Variants in ZFHX3 observed in about 807,000 individuals in gnomAD.
ZFHX3 encodes the protein zinc finger homeobox 3, also known as zinc finger homeobox protein 3.
ZFHX3 carries 42 observed loss-of-function variants against 279.1 expected under a neutral mutation model. That is an observed-to-expected ratio of 0.15 (90% confidence interval 0.12 to 0.19). The LOEUF (loss-of-function observed/expected upper bound fraction) is 0.19, where lower values mean the gene tolerates loss of function less well. Ranked by LOEUF, ZFHX3 falls within the 10% of genes least tolerant of loss-of-function variation. ZFHX3 has a pLI of 1.00. For synonymous variants in ZFHX3, 2,293 were observed against 1,957.8 expected, an observed-to-expected ratio of 1.17 and a Z score of -4.52; for missense variants, 4,981 against 4,754.0, an observed-to-expected ratio of 1.05 and a Z score of -1.40.
At chr16:73,120,779 C>T (rs1041003575) in intron 7 of ZFHX3, among the ~76,000 whole-genome samples, 44 of 151,478 alleles carry the variant, frequency 2.9e-4, no homozygotes, top group Admixed American at 1.3e-3. Flanking sequence ...CTCAACCTCC[C>T]GAGTAGCTGG....
intron 5 of ZFHX3, among the ~76,000 whole-genome samples, chr16:73,155,189 A>AAC (rs1480830538): frequency 1.3e-5 from 2 of 151,744 alleles, no homozygotes; most frequent in Non-Finnish European, 2.9e-5. Context: ...ACAAAAAAAA[A>AAC]AAAAACAAAA....
chr16:73,010,793 C>T (rs1015519377), intron 1 of ZFHX3, among the ~76,000 whole-genome samples: 6 of 152,100 alleles, frequency 3.9e-5, no homozygotes, highest in South Asian at 2.1e-4. Flanking sequence ...CAACATTGAA[C>T]ATTTTATTTT....
At chr16:73,292,340 G>T (rs1185046208) in intron 4 of ZFHX3, among the ~76,000 whole-genome samples, 2 of 152,102 alleles carry the variant, frequency 1.3e-5, no homozygotes, top group Non-Finnish European at 2.9e-5. Context: ...TGAAGTAAAG[G>T]CATTCAGAGC....
rs189045114 is a variant in ZFHX3, at chr16:73,626,953, A to C, written c.-1547+53227T>G. Among the ~76,000 whole-genome samples, 11 of 152,330 alleles carry C rather than the reference A, an allele frequency of 7.2e-5. No individual in the cohort carries two copies. In the East Asian group the frequency reaches 2.1e-3, roughly 29 times the overall value. ...TAGCATCTGGGATAAAGAGGGACTTATACTTCTACTGTAGCCATAAATACT... is the reference window on the plus strand; with the variant it reads ...TAGCATCTGGGATAAAGAGGGACTTCTACTTCTACTGTAGCCATAAATACT... On this transcript the variant is annotated intron_variant, in intron 2 of 17. Transcript: ENST00000641206.
chr16:73,517,475 C>T (rs1304567380), intron 2 of ZFHX3, among the ~76,000 whole-genome samples: 1 of 152,208 alleles, frequency 6.6e-6, no homozygotes, highest in Non-Finnish European at 1.5e-5. Flanking sequence ...ATCTCTAACA[C>T]TACAGTTTTC....
At chr16:73,544,738 T>C (rs577100621) in intron 2 of ZFHX3, among the ~76,000 whole-genome samples, 3 of 152,136 alleles carry the variant, frequency 2.0e-5, no homozygotes, top group East Asian at 3.9e-4. Flanking sequence ...TGCAGAAGAA[T>C]GCCAGGTAAA....
chr16:73,167,691 T>C (rs565509755), intron 5 of ZFHX3, among the ~76,000 whole-genome samples: 1 of 152,336 alleles, frequency 6.6e-6, no homozygotes, highest in East Asian at 1.9e-4. Context: ...ATGGAACTTG[T>C]CACCAGCTCA....
At chr16:73,000,505 G>T (rs1963452746) in intron 1 of ZFHX3, among the ~76,000 whole-genome samples, 2 of 152,174 alleles carry the variant, frequency 1.3e-5, no homozygotes, top group Non-Finnish European at 2.9e-5. Flanking sequence ...ACTGAAGGAT[G>T]TGCCAGGCAG....
intron 4 of ZFHX3, among the ~76,000 whole-genome samples, chr16:72,861,239 C>T (rs140376142): frequency 5.3e-5 from 8 of 152,280 alleles, no homozygotes; most frequent in Middle Eastern, 3.4e-3. Flanking sequence ...ATATTTAAAT[C>T]GCTATATCAA....
intron 2 of ZFHX3, among the ~76,000 whole-genome samples, chr16:73,539,630 T>C (rs1431321406): frequency 1.3e-5 from 2 of 151,868 alleles, no homozygotes; most frequent in East Asian, 1.9e-4. Flanking sequence ...CTCGATAACA[T>C]GGACAATAAA....
At chr16:73,636,924 A>T (rs2052531944) in intron 2 of ZFHX3, among the ~76,000 whole-genome samples, 1 of 152,154 alleles carries the variant, frequency 6.6e-6, no homozygotes, top group African/African-American at 2.4e-5. Flanking sequence ...TTTAAAGCTT[A>T]ACTGAAAAAA....
chr16:73,847,418 A>G (rs1294803145), intron 1 of ZFHX3, among the ~76,000 whole-genome samples: 2 of 152,186 alleles, frequency 1.3e-5, no homozygotes, highest in Admixed American at 1.3e-4. Flanking sequence ...CATTCCCATG[A>G]GAGGCTTGCT....
At position 73,505,665 on chromosome 16, in the gene ZFHX3, G is replaced by A. The variant is rs946494164; in HGVS notation, c.-1546-49407C>T. ...AAAGGAGCCGACACTTAATGACTCCGCAGGCTTAAAACTTGCCTTCTTGCT... is the reference window on the plus strand; with the variant it reads ...AAAGGAGCCGACACTTAATGACTCCACAGGCTTAAAACTTGCCTTCTTGCT... On this transcript the variant is annotated intron_variant, in intron 2 of 17. Coordinates refer to the ZFHX3 transcript ENST00000641206. Among the ~76,000 whole-genome samples, 182 of 152,180 alleles carry A rather than the reference G, an allele frequency of 1.2e-3. 1 individual carries two copies. The highest frequency in any genetic ancestry group is 3.9e-3 in the African/African-American group (163 of 41,534).
chr16:73,533,170 C>T (rs2019838009), intron 2 of ZFHX3, among the ~76,000 whole-genome samples: 2 of 151,934 alleles, frequency 1.3e-5, no homozygotes, highest in Admixed American at 6.6e-5. Flanking sequence ...GACATTTTCT[C>T]GTTTCATCTC....
chr16:73,712,820 A>T (rs1051411445), intron 1 of ZFHX3, among the ~76,000 whole-genome samples: 1 of 152,228 alleles, frequency 6.6e-6, no homozygotes, highest in Non-Finnish European at 1.5e-5. Flanking sequence ...CAGAAAACAC[A>T]ACATAAAGGA....
At chr16:73,570,093 TTAACAAAG>T (rs1318044775) in intron 2 of ZFHX3, among the ~76,000 whole-genome samples, 11 of 152,308 alleles carry the variant, frequency 7.2e-5, no homozygotes, top group South Asian at 2.1e-4. Flanking sequence ...GAACTGGACT[TTAACAAAG>T]CTTCTTTGAA....
intron 2 of ZFHX3, among the ~76,000 whole-genome samples, chr16:73,515,564 GAGAA>G (rs796142792): frequency 3.1e-4 from 47 of 151,516 alleles, no homozygotes; most frequent in African/African-American, 9.5e-4. Context: ...GAGAAAGAGA[GAGAA>G]AGAAAGAAAG....
intron 2 of ZFHX3, among the ~76,000 whole-genome samples, chr16:73,492,876 C>T (rs2019077283): frequency 1.3e-5 from 2 of 152,136 alleles, no homozygotes; most frequent in South Asian, 4.1e-4. Context: ...TAGCTGGTGA[C>T]CAACCATGAC....
chr16:73,566,453 C>T (rs1316598691), intron 2 of ZFHX3, among the ~76,000 whole-genome samples: 5 of 152,128 alleles, frequency 3.3e-5, no homozygotes, highest in African/African-American at 9.7e-5. Flanking sequence ...CTGGAGGCTC[C>T]GAGGGAGAAT....
Sources: allele counts gnomAD v4.1 joint callset (sites outside exome capture counted in the v4.1 genomes callset), GRCh38; gene constraint gnomAD v4.1.1; transcripts MANE v1.5; gene names NCBI Gene and HGNC (gene_info 2026-07-23, HGNC 2026-07-21).